Variants in PTOV1 observed in about 807,000 individuals in gnomAD.
PTOV1 encodes the protein prostate tumor-overexpressed gene 1 protein.
Under a neutral mutation model 58.0 loss-of-function variants are expected in PTOV1, and 20 were observed. The ratio of observed to expected loss-of-function variants is 0.34; its 90% CI spans 0.24 to 0.50. The LOEUF (loss-of-function observed/expected upper bound fraction) is 0.50. PTOV1 is among the 20% of genes least tolerant of loss of function. The pLI is 0.98. For synonymous variants in PTOV1, 335 were observed against 234.2 expected (o/e 1.43, Z -3.93); for missense variants, 593 against 565.4 (o/e 1.05, Z -0.50).
intron 1 of PTOV1, chr19:49,852,186 G>T (rs941824361): frequency 1.6e-6 from 1 of 642,690 alleles, no homozygotes; most frequent in South Asian, 6.8e-5. Context: ...GCACACGCTT[G>T]CCCCGATGTG....
At chr19:49,857,151 C>T (rs779333830) in intron 6 of PTOV1, 21 bp downstream of exon 6, 25 of 1,613,514 alleles carry the variant, frequency 1.5e-5, no homozygotes, top group South Asian at 1.5e-4. Flanking sequence ...CAAGCACAGC[C>T]CCTCTGGGGA....
At chr19:49,854,432 G>A in exon 2 of PTOV1, 2 of 1,611,536 alleles carry the variant, frequency 1.2e-6, no homozygotes, top group Non-Finnish European at 1.7e-6. Context: ...TCGGGGCACT[G>A]GGTCCCATCG....
chr19:49,860,386 GGGGT>G, exon 12 of PTOV1: 58 of 1,271,836 alleles, frequency 4.6e-5, no homozygotes, highest in Non-Finnish European at 5.5e-5. Flanking sequence ...GCATGTGGGG[GGGGT>G]GGGGTTGGGA....
chr19:49,858,686 C>T (rs779884503), intron 10 of PTOV1, 33 bp downstream of exon 10: 29 of 1,544,136 alleles, frequency 1.9e-5, no homozygotes, highest in East Asian at 2.4e-5. Context: ...GGGGAGGGGC[C>T]GGCCAGGGCA....
At chr19:49,860,443 G>A (rs1385788200) in exon 12 of PTOV1, 2 of 1,110,188 alleles carry the variant, frequency 1.8e-6, no homozygotes, top group Non-Finnish European at 2.5e-6. Context: ...CAGAGCAGAG[G>A]GAGAGGCAGC....
Position 49,858,721 on chromosome 19 carries a change from G to A in PTOV1, c.1041+68G>A, listed in dbSNP as rs575741443. The A allele has an allele frequency of 1.1e-5, 14 of 1,308,430 alleles. No individual in the cohort carries two copies. In the Middle Eastern group the frequency reaches 7.3e-4, roughly 68 times the overall value. The allele number at this position is 1,308,430 out of a possible 1,614,324, so 81.1% of individuals were successfully genotyped here. Reference sequence around the variant, plus strand: ...AGAGCGAGCCCGGACCGCTCACGGGGGCGGACATGGGAGAGGAACAGAGCA... The same window carrying A: ...AGAGCGAGCCCGGACCGCTCACGGGAGCGGACATGGGAGAGGAACAGAGCA... On this transcript the variant is annotated intron_variant, in intron 10 of 11. Transcript: ENST00000391842.
chr19:49,859,005 G>A (rs879658619), intron 10 of PTOV1: 2 of 204,212 alleles, frequency 9.8e-6, no homozygotes, highest in African/African-American at 4.6e-5. Flanking sequence ...AGGGCTGTCT[G>A]CCCCCAGCAA....
chr19:49,852,464 T>C (rs1463495640), intron 1 of PTOV1: 1 of 152,214 alleles, frequency 6.6e-6, no homozygotes, highest in Non-Finnish European at 1.5e-5. Flanking sequence ...TAAACCTCAG[T>C]GCAAGTACTA....
rs753954650 is a variant in PTOV1, at chr19:49,856,968, C to T, written c.559-7C>T. 5 of 1,612,258 alleles carry T rather than the reference C, an allele frequency of 3.1e-6. No individual in the cohort carries two copies. Among genetic ancestry groups the T allele is most frequent in the Non-Finnish European group, 4.2e-6 (5 of 1,179,886 alleles). On this transcript the variant is annotated splice_region_variant and splice_polypyrimidine_tract_variant and intron_variant, in intron 5 of 11. Coordinates refer to ENST00000391842, the Ensembl canonical transcript of PTOV1. The stretch of plus-strand genomic sequence containing the variant: ...GACCACAGGGTCCTGACCCGCGGCC[C>T]CCGCAGGCGGGCTGCATGCTGTTCC...
At chr19:49,853,493 TAAAA>T (rs34050372) in intron 1 of PTOV1, among the ~76,000 whole-genome samples, 3 of 113,584 alleles carry the variant, frequency 2.6e-5, no homozygotes, top group African/African-American at 3.3e-5. Context: ...CCATCTCTAC[TAAAA>T]AAAAAAAAAA....
intron 10 of PTOV1, chr19:49,858,902 C>T: frequency 2.2e-6 from 1 of 445,700 alleles, no homozygotes; most frequent in Non-Finnish European, 4.1e-6. Flanking sequence ...AGCACCAACT[C>T]CGCGCTCTCC....
intron 6 of PTOV1, 149 bp from the exon 7 acceptor site, chr19:49,857,544 G>A: frequency 1.3e-6 from 1 of 745,500 alleles, no homozygotes; most frequent in South Asian, 1.7e-5. Flanking sequence ...AGCAGATGAG[G>A]GGCAGGGCCT....
Position 49,858,049 on chromosome 19 carries a change from C to T in PTOV1, c.879-8C>T. ...GCTTCCTGACCCTCGTCCCTTTGTGCCCCACAGGAGGACCGAGCAGTGGCC... is the reference window on the plus strand; with the variant it reads ...GCTTCCTGACCCTCGTCCCTTTGTGTCCCACAGGAGGACCGAGCAGTGGCC... On this transcript the variant is annotated splice_region_variant and splice_polypyrimidine_tract_variant and intron_variant, in intron 8 of 11. Transcript: ENST00000391842. 1.2e-6 allele frequency: 2 copies of T among 1,613,998 alleles called. No individual in the cohort carries two copies. Among genetic ancestry groups the T allele is most frequent in the Admixed American group, 1.7e-5 (1 of 60,012 alleles).
At chr19:49,852,827 C>T (rs2122177032) in intron 1 of PTOV1, 1 of 152,290 alleles carries the variant, frequency 6.6e-6, no homozygotes, top group Non-Finnish European at 1.5e-5. Flanking sequence ...TACCTCAGGT[C>T]CCAGCGCCAT....
chr19:49,858,172 G>A, intron 9 of PTOV1, 58 bp downstream of exon 9: 4 of 1,584,110 alleles, frequency 2.5e-6, no homozygotes, highest in Non-Finnish European at 2.6e-6. Flanking sequence ...CAGAGGGCGG[G>A]GCTGGGGGCA....
rs763364474 is a variant in PTOV1 at position 49,855,123 on chromosome 19, C to T, written c.558+46C>T. 4 of 1,501,708 alleles carry T rather than the reference C, an allele frequency of 2.7e-6. No homozygotes were observed. The Admixed American group carries it at 7.8e-5, about 29-fold the overall frequency. The allele number at this position is 1,501,708 out of a possible 1,614,324, so 93.0% of individuals were successfully genotyped here. On this transcript the variant is annotated intron_variant, in intron 5 of 11. Coordinates refer to ENST00000391842, the Ensembl canonical transcript of PTOV1. ...TGTAGCACTGTGGTGACAAGTACAG[C>T]TGGAGGCAGCGCTCTGCTCACACAG...
chr19:49,858,334 C>T, intron 9 of PTOV1: 1 of 704,080 alleles, frequency 1.4e-6, no homozygotes, highest in Non-Finnish European at 2.3e-6. Context: ...GCAGGGGCAG[C>T]CACGACCTGC....
At chr19:49,851,219 G>A in exon 1 of PTOV1, 4 of 1,165,042 alleles carry the variant, frequency 3.4e-6, no homozygotes, top group Non-Finnish European at 4.2e-6. Context: ...GTACGGCTCA[G>A]CCCGTCTCCC....
intron 1 of PTOV1, 40 bp from the exon 2 acceptor site, chr19:49,854,366 C>A: frequency 1.9e-6 from 3 of 1,583,812 alleles, no homozygotes; most frequent in Non-Finnish European, 2.6e-6. Flanking sequence ...CTTGCAGGCC[C>A]CGGCCTCAGT....
Sources: allele counts gnomAD v4.1 joint callset (sites outside exome capture counted in the v4.1 genomes callset), GRCh38; gene constraint gnomAD v4.1.1; transcripts MANE v1.5; gene names NCBI Gene and HGNC (gene_info 2026-07-23, HGNC 2026-07-21).